Variants in TRPA1 observed in about 807,000 individuals in gnomAD.
TRPA1 encodes ankyrin-like with transmembrane domains 1.
Under a neutral mutation model 131.3 loss-of-function variants are expected in TRPA1, and 129 were observed. That is an observed-to-expected ratio of 0.98 (90% CI 0.85 to 1.14). TRPA1 has a LOEUF of 1.14. Ranked by LOEUF, TRPA1 falls within the 50% of genes most tolerant of loss-of-function variation. The pLI, the probability that TRPA1 is intolerant of heterozygous loss-of-function variation, is 0.00. For missense variants in TRPA1, 1,304 were observed against 1,354.2 expected (o/e 0.96, Z 0.58); for synonymous variants, 441 against 451.7 (o/e 0.98, Z 0.30).
At chr8:72,029,691 C>T (rs2129432965) in intron 24 of TRPA1, 1 of 654,162 alleles carries the variant, frequency 1.5e-6, no homozygotes, top group South Asian at 1.8e-5. Flanking sequence ...GTGGTATTCT[C>T]CTGGGATGCC....
In TRPA1 at chr8:72,052,105, C is replaced by A. The variant is rs549927262; in HGVS notation, c.1811+494G>T. On this transcript the variant is annotated intron_variant, in intron 14 of 26. Coordinates refer to ENST00000262209, the MANE Select transcript of TRPA1 (RefSeq NM_007332.3). ...CTCATGTACCTGATACATATACACA[C>A]CTACTATTTACCCACACAAATTAAA... Among the ~76,000 whole-genome samples, 50 of 152,278 alleles carry A rather than the reference C, an allele frequency of 3.3e-4. 1 individual carries two copies. In the South Asian group the frequency reaches 4.4e-3, roughly 13 times the overall value.
intron 17 of TRPA1, among the ~76,000 whole-genome samples, chr8:72,040,403 C>G (rs1466434006): frequency 6.6e-6 from 1 of 152,042 alleles, no homozygotes; most frequent in African/African-American, 2.4e-5. Context: ...CAATCCCAAA[C>G]TTAGTTAACG....
intron 19 of TRPA1, among the ~76,000 whole-genome samples, chr8:72,038,393 A>G (rs768154621): frequency 3.3e-5 from 5 of 152,088 alleles, no homozygotes; most frequent in Non-Finnish European, 7.4e-5. Flanking sequence ...CCATTTTAAA[A>G]GTTACATTTT....
chr8:72,053,000 A>T (rs1255260257), intron 13 of TRPA1: 1 of 269,818 alleles, frequency 3.7e-6, no homozygotes, highest in East Asian at 9.1e-5. Context: ...TGTGTGAGAG[A>T]TAGAGAAAGA....
intron 25 of TRPA1, among the ~76,000 whole-genome samples, chr8:72,024,958 TG>T (rs1421041413): frequency 1.3e-5 from 2 of 152,188 alleles, no homozygotes; most frequent in African/African-American, 4.8e-5. Flanking sequence ...GTCGTAGAGA[TG>T]AAGGGAGCCC....
At chr8:72,036,952 G>T (rs1812073615) in intron 20 of TRPA1, among the ~76,000 whole-genome samples, 1 of 152,162 alleles carries the variant, frequency 6.6e-6, no homozygotes, top group Non-Finnish European at 1.5e-5. Flanking sequence ...ATTTCCTATA[G>T]AGTAGGCCAC....
chr8:72,062,867 C>G lies in TRPA1; in HGVS notation c.739G>C (p.Val247Leu). 6.2e-7 allele frequency: 1 copy of G among 1,614,024 alleles called. No individual in the cohort carries two copies. Among genetic ancestry groups the G allele is most frequent in the Non-Finnish European group, 8.5e-7 (1 of 1,179,978 alleles). Residue 247 changes from valine (V) to leucine (L), a missense_variant, in exon 6 of 27, where the codon GTG (valine) becomes CTG (leucine). Transcript: ENST00000262209. ...NGKATPLHLA[V>L]QNGDLEMIKM... ...ATCATTTCCAAGTCACCATTTTGCA[C>G]AGCCAGGTGGAGAGGGGTGGCTTTC...
At chr8:72,047,621 T>C (rs1805370181) in intron 15 of TRPA1, among the ~76,000 whole-genome samples, 1 of 152,122 alleles carries the variant, frequency 6.6e-6, no homozygotes. Context: ...ACCCACATAT[T>C]TCCATAAGTA....
intron 17 of TRPA1, among the ~76,000 whole-genome samples, chr8:72,042,310 A>C (rs1812280836): frequency 6.6e-6 from 1 of 151,984 alleles, no homozygotes; most frequent in African/African-American, 2.4e-5. Flanking sequence ...TTGAATGAGA[A>C]GATGCTCAAC....
chr8:72,057,644 T>C (rs1805703001), intron 9 of TRPA1, 73 bp downstream of exon 9: 3 of 1,119,300 alleles, frequency 2.7e-6, no homozygotes, highest in Non-Finnish European at 4.1e-6. Flanking sequence ...AATGTTCATT[T>C]GGCACACAGT....
rs1374116934 is a variant in TRPA1 at position 72,036,450 on chromosome 8, T to A, written c.2393A>T (p.Asn798Ile). The A allele has an allele frequency of 6.2e-7, 1 of 1,613,440 alleles. No homozygotes were observed. The highest frequency in any genetic ancestry group is 2.2e-5 in the East Asian group (1 of 44,878). ...AACATTGCTTATATCCATAAAATAA[T>A]TCCTTTTCTGGGATAGAAAAGAATA... ...EAGQIFQQKR[N>I]YFMDISNVLE... is the part of the protein sequence containing the mutation. The change falls in exon 21 of 27, where the codon AAT (asparagine) becomes ATT (isoleucine). Residue 798 changes from asparagine to isoleucine, a missense_variant. By Grantham distance (149) the Asn-to-Ile change is moderately radical (BLOSUM62 -3). Transcript: ENST00000262209.
chr8:72,053,271 T>TA (rs1372102571), intron 13 of TRPA1: 1 of 202,882 alleles, frequency 4.9e-6, no homozygotes, highest in Non-Finnish European at 1.0e-5. Context: ...TTTCTCCACT[T>TA]AAAGACTTTT....
intron 17 of TRPA1, 115 bp downstream of exon 17, chr8:72,046,398 T>A: frequency 1.7e-6 from 1 of 572,916 alleles, no homozygotes; most frequent in East Asian, 3.0e-5. Flanking sequence ...CAAATGGTAT[T>A]TCTCATATGT....
chr8:72,028,559 C>A (rs1811687096), intron 24 of TRPA1, among the ~76,000 whole-genome samples: 1 of 152,184 alleles, frequency 6.6e-6, no homozygotes, highest in African/African-American at 2.4e-5. Flanking sequence ...TGTACCTGAT[C>A]CTGTGTTTGT....
At chr8:72,057,086 A>AACTT in intron 9 of TRPA1, 69 bp from the exon 10 acceptor site, 1 of 1,270,402 alleles carries the variant, frequency 7.9e-7, no homozygotes, top group Non-Finnish European at 1.1e-6. Flanking sequence ...GTGGATTTTC[A>AACTT]ACTTAGCAAA....
Position 72,022,949 on chromosome 8 carries a change from A to T in TRPA1, c.3317T>A (p.Val1106Glu). The change falls in exon 27 of 27, where the codon GTG becomes GAG. Residue 1106 changes from valine to glutamate, a missense_variant. Val to Glu is a moderately radical substitution (Grantham distance 121, BLOSUM62 -2). Transcript: ENST00000262209. ...MEQRNSRWNT[V>E]LRAVKAKTHH... is the part of the protein sequence containing the mutation. ...TGTTTTTGCCTTGACTGCTCTCAAC[A>T]CAGTATTCCATCTGCTATTCCTTTG... 6.2e-7 allele frequency: 1 copy of T among 1,613,912 alleles called. No homozygotes were observed.
rs753409970 is a variant in TRPA1 at position 72,021,264 on chromosome 8, G to A, written c.*1642C>T. On this transcript the variant is annotated 3_prime_UTR_variant, in exon 27 of 27. Transcript: ENST00000262209. Reference sequence around the variant, plus strand: ...TGGTGACATTGTTGTAAGACAATCTGTTTATTTAAATATTTCGCATGACAG... The same window carrying A: ...TGGTGACATTGTTGTAAGACAATCTATTTATTTAAATATTTCGCATGACAG... 5.9e-5 allele frequency: 9 copies of A among 152,184 alleles called. No homozygotes were observed. The highest frequency in any genetic ancestry group is 1.3e-4 in the Non-Finnish European group (9 of 68,038). 9.4% of individuals were successfully genotyped at this position (152,184 alleles called of 1,614,324 possible). A position where few individuals can be genotyped will look rare whatever the true frequency, so the allele number is the denominator to read the frequency against.
intron 3 of TRPA1, among the ~76,000 whole-genome samples, chr8:72,066,405 C>T (rs1585887480): frequency 6.6e-6 from 1 of 152,294 alleles, no homozygotes; most frequent in Middle Eastern, 3.4e-3. Flanking sequence ...TAAATGATGA[C>T]ATGTCCTTAT....
At chr8:72,036,578 G>A in intron 20 of TRPA1, 121 bp from the exon 21 acceptor site, 3 of 903,594 alleles carry the variant, frequency 3.3e-6, no homozygotes, top group Non-Finnish European at 3.4e-6. Flanking sequence ...AGAAGTTTAG[G>A]ACCAAGGAGT....
Sources: allele counts gnomAD v4.1 joint callset (sites outside exome capture counted in the v4.1 genomes callset), GRCh38; gene constraint gnomAD v4.1.1; transcripts MANE v1.5; gene names NCBI Gene and HGNC (gene_info 2026-07-23, HGNC 2026-07-21).